Variants in CCDC88C observed in about 807,000 individuals in gnomAD.
CCDC88C encodes the protein protein Daple.
CCDC88C carries 131 observed loss-of-function variants against 198.8 expected under a neutral mutation model. The observed-to-expected ratio is 0.66, with a 90% CI of 0.57 to 0.76. The LOEUF is 0.76. Among genes scored for constraint, CCDC88C ranks in the 30% least tolerant of loss-of-function variants. CCDC88C has a pLI of 0.00. For synonymous variants in CCDC88C, 1,166 were observed against 1,114.7 expected, an observed-to-expected ratio of 1.05 and a Z score of -0.92; for missense variants, 2,553 against 2,631.6, an observed-to-expected ratio of 0.97 and a Z score of 0.65.
chr14:91,356,385 G>A (rs1894041087), intron 4 of CCDC88C, among the ~76,000 whole-genome samples: 1 of 152,142 alleles, frequency 6.6e-6, no homozygotes. Context: ...GAGGCCCGGG[G>A]CCCTCTGAGC....
chr14:91,417,106 G>A, intron 1 of CCDC88C: 2 of 702,890 alleles, frequency 2.8e-6, no homozygotes, highest in Non-Finnish European at 2.6e-6. Flanking sequence ...AAAATAAAAA[G>A]GACTTTTCAA....
chr14:91,291,916 G>C (rs558344406), intron 23 of CCDC88C, among the ~76,000 whole-genome samples: 44 of 152,312 alleles, frequency 2.9e-4, no homozygotes, highest in African/African-American at 3.8e-4. Context: ...TTTGCACTTA[G>C]GGAGTCACGG....
intron 3 of CCDC88C, among the ~76,000 whole-genome samples, chr14:91,370,113 T>C (rs1448053304): frequency 2.6e-5 from 4 of 152,184 alleles, no homozygotes; most frequent in Non-Finnish European, 5.9e-5. Context: ...CACCGCAGCA[T>C]GAGGGCAGAG....
intron 20 of CCDC88C, among the ~76,000 whole-genome samples, chr14:91,302,328 C>T (rs998299915): frequency 2.0e-5 from 3 of 152,204 alleles, no homozygotes; most frequent in African/African-American, 7.2e-5. Context: ...AGATCTTGCT[C>T]CCTCTGTTGT....
intron 23 of CCDC88C, among the ~76,000 whole-genome samples, chr14:91,293,690 C>G (rs1425362898): frequency 6.6e-6 from 1 of 151,996 alleles, no homozygotes; most frequent in African/African-American, 2.4e-5. Context: ...TAACCCTTCA[C>G]ATCTGGCTGG....
intron 25 of CCDC88C, among the ~76,000 whole-genome samples, chr14:91,286,909 C>T (rs1414485520): frequency 6.6e-6 from 1 of 152,192 alleles, no homozygotes; most frequent in Non-Finnish European, 1.5e-5. Context: ...GTCCACCTGC[C>T]TTGATAGGGT....
intron 10 of CCDC88C, among the ~76,000 whole-genome samples, chr14:91,334,927 G>T (rs992262301): frequency 3.3e-5 from 5 of 152,140 alleles, no homozygotes; most frequent in Non-Finnish European, 7.4e-5. Context: ...ACACCTGAGT[G>T]CTCAGGTGGG....
At chr14:91,324,476 C>G (rs1272895582) in intron 12 of CCDC88C, among the ~76,000 whole-genome samples, 1 of 152,272 alleles carries the variant, frequency 6.6e-6, no homozygotes, top group Non-Finnish European at 1.5e-5. Flanking sequence ...CAGATGGCCT[C>G]AGAGAGCCTC....
intron 4 of CCDC88C, among the ~76,000 whole-genome samples, chr14:91,345,190 ATTTTTTTTTTT>A (rs58941451): frequency 3.8e-5 from 2 of 52,204 alleles, no homozygotes; most frequent in Non-Finnish European, 6.8e-5. Flanking sequence ...ATATATATAT[ATTTTTTTTTTT>A]TTTTTTTTTG....
At chr14:91,326,692 CA>C (rs1892600178) in intron 10 of CCDC88C, among the ~76,000 whole-genome samples, 12 of 152,218 alleles carry the variant, frequency 7.9e-5, no homozygotes, top group Admixed American at 7.2e-4. Flanking sequence ...GGTTGAGAGT[CA>C]ATCCTGGGTT....
chr14:91,318,287 G>A (rs770752078), intron 13 of CCDC88C, among the ~76,000 whole-genome samples: 8 of 151,790 alleles, frequency 5.3e-5, no homozygotes, highest in South Asian at 2.1e-4. Context: ...GTGGTGGTAC[G>A]TGCCTGTGGT....
intron 25 of CCDC88C, chr14:91,285,789 T>C (rs1490868895): frequency 5.4e-6 from 7 of 1,289,160 alleles, no homozygotes; most frequent in Admixed American, 2.3e-5. Flanking sequence ...GACTTGTCTT[T>C]GTCCTTGTTT....
At chr14:91,289,748 G>C (rs1332669357) in intron 24 of CCDC88C, among the ~76,000 whole-genome samples, 1 of 152,108 alleles carries the variant, frequency 6.6e-6, no homozygotes, top group East Asian at 1.9e-4. Context: ...GAGTAATCTG[G>C]GTGAGGTGGA....
At chr14:91,304,307 CTG>C (rs1321935017) in intron 19 of CCDC88C, among the ~76,000 whole-genome samples, 1 of 152,186 alleles carries the variant, frequency 6.6e-6, no homozygotes, top group East Asian at 1.9e-4. Flanking sequence ...TTTCAGCTGA[CTG>C]TGGTGGCTCA....
intron 4 of CCDC88C, among the ~76,000 whole-genome samples, chr14:91,344,215 A>C (rs1705479274): frequency 1.3e-5 from 2 of 149,980 alleles, no homozygotes; most frequent in African/African-American, 2.5e-5. Flanking sequence ...ATGATAATTA[A>C]CAAACCATAA....
chr14:91,341,202 A>G (rs1275842791), intron 6 of CCDC88C, among the ~76,000 whole-genome samples: 1 of 152,172 alleles, frequency 6.6e-6, no homozygotes, highest in African/African-American at 2.4e-5. Flanking sequence ...CCCTAAGGGC[A>G]CAGGATTGAG....
At position 91,345,823 on chromosome 14, in the gene CCDC88C, GGTCACCCAGGAACT is replaced by G. The variant is rs1476085049; in HGVS notation, c.341-2180_341-2167del. Among the ~76,000 whole-genome samples, 3 of 152,078 alleles carry G rather than the reference GGTCACCCAGGAACT, an allele frequency of 2.0e-5. No homozygotes were observed. In the East Asian group the frequency reaches 5.8e-4, roughly 29 times the overall value. On this transcript the variant is annotated intron_variant, in intron 4 of 29. Coordinates refer to ENST00000389857, the MANE Select transcript of CCDC88C (RefSeq NM_001080414.4). The stretch of plus-strand genomic sequence containing the variant: ...ACACCTGCGCCTAGACGATGGGCTT[GGTCACCCAGGAACT>G]GTGTGTCCCAGACAAGCCATACTCT...
intron 29 of CCDC88C, among the ~76,000 whole-genome samples, chr14:91,276,924 C>T (rs565389174): frequency 7.0e-4 from 107 of 152,250 alleles, no homozygotes; most frequent in Non-Finnish European, 1.2e-3. Flanking sequence ...TCCAGCTAGC[C>T]GCCTGTTTTT....
intron 4 of CCDC88C, among the ~76,000 whole-genome samples, chr14:91,350,390 G>T (rs970184314): frequency 1.3e-5 from 2 of 152,150 alleles, no homozygotes; most frequent in Non-Finnish European, 2.9e-5. Flanking sequence ...TTGAGCTCCT[G>T]ACCTCAAGTG....
Sources: gnomAD v4.1 joint callset for allele counts (sites outside exome capture counted in the v4.1 genomes callset) on GRCh38, gnomAD v4.1.1 for gene constraint, MANE v1.5 for transcripts, NCBI Gene and HGNC (gene_info 2026-07-23, HGNC 2026-07-21) for gene names.